PTPRR: variants seen among roughly 807,000 people sequenced by gnomAD.
PTPRR encodes the protein protein tyrosine phosphatase receptor type R, also known as receptor-type tyrosine-protein phosphatase R.
Under a neutral mutation model 77.2 loss-of-function variants are expected in PTPRR, and 38 were observed. That is an observed-to-expected ratio of 0.49 (90% CI 0.38 to 0.65). The LOEUF (loss-of-function observed/expected upper bound fraction) is 0.65, where lower values mean the gene tolerates loss of function less well. PTPRR is among the 30% of genes least tolerant of loss of function. The pLI, the probability that PTPRR is intolerant of heterozygous loss-of-function variation, is 0.00. For missense variants in PTPRR, 744 were observed against 799.2 expected, an observed-to-expected ratio of 0.93 and a Z score of 0.83; for synonymous variants, 299 against 283.1, an observed-to-expected ratio of 1.06 and a Z score of -0.57.
At chr12:70,857,764 C>G (rs1053413594) in intron 2 of PTPRR, among the ~76,000 whole-genome samples, 2 of 151,896 alleles carry the variant, frequency 1.3e-5, no homozygotes, top group Non-Finnish European at 2.9e-5. Flanking sequence ...CAAAGTTTAC[C>G]CTAGGGAGAC....
intron 2 of PTPRR, among the ~76,000 whole-genome samples, chr12:70,843,941 G>T (rs986896108): frequency 6.7e-6 from 1 of 150,132 alleles, no homozygotes; most frequent in South Asian, 2.1e-4. Context: ...TCAGCCTCCC[G>T]AGTAGCTGGG....
chr12:70,738,725 C>A (rs1889953888), intron 6 of PTPRR, among the ~76,000 whole-genome samples: 1 of 152,154 alleles, frequency 6.6e-6, no homozygotes, highest in South Asian at 2.1e-4. Flanking sequence ...TTAGAGTGAT[C>A]AGTGGAGCAT....
chr12:70,903,305 CTTAAT>C (rs1311420973), intron 1 of PTPRR, among the ~76,000 whole-genome samples: 8 of 151,826 alleles, frequency 5.3e-5, no homozygotes, highest in South Asian at 2.1e-4. Context: ...TGTTAATTGT[CTTAAT>C]TTAATCATTT....
At chr12:70,729,654 G>A (rs188659771) in intron 6 of PTPRR, among the ~76,000 whole-genome samples, 28 of 152,276 alleles carry the variant, frequency 1.8e-4, no homozygotes, top group African/African-American at 6.0e-4. Flanking sequence ...CCAACAGTGA[G>A]TGGGAATGAA....
chr12:70,897,939 G>C (rs538789883), intron 1 of PTPRR, among the ~76,000 whole-genome samples: 35 of 143,658 alleles, frequency 2.4e-4, no homozygotes, highest in African/African-American at 8.8e-4. Context: ...ACTCATAGGT[G>C]GGAATTGAAC....
intron 1 of PTPRR, among the ~76,000 whole-genome samples, chr12:70,896,310 G>A (rs1893427260): frequency 6.6e-6 from 1 of 151,622 alleles, no homozygotes; most frequent in South Asian, 2.1e-4. Flanking sequence ...CCTCTCAATA[G>A]TAAGTAGATT....
intron 1 of PTPRR, among the ~76,000 whole-genome samples, chr12:70,914,214 C>T (rs1285512432): frequency 6.6e-6 from 1 of 152,130 alleles, no homozygotes; most frequent in African/African-American, 2.4e-5. Flanking sequence ...GAAATTTTGT[C>T]TTAGTGTGAT....
At chr12:70,776,554 C>T (rs1199441101) in intron 2 of PTPRR, among the ~76,000 whole-genome samples, 1 of 152,154 alleles carries the variant, frequency 6.6e-6, no homozygotes, top group Non-Finnish European at 1.5e-5. Context: ...TCCTTCCAGT[C>T]TTAACCTCTT....
At chr12:70,660,906 A>G in intron 12 of PTPRR, 34 bp downstream of exon 12, 2 of 1,574,626 alleles carry the variant, frequency 1.3e-6, no homozygotes, top group Non-Finnish European at 1.7e-6. Flanking sequence ...AGAATGGGCC[A>G]TTGCTTAGAC....
intron 2 of PTPRR, among the ~76,000 whole-genome samples, chr12:70,882,009 G>A (rs186344006): frequency 2.0e-5 from 3 of 152,104 alleles, no homozygotes; most frequent in Non-Finnish European, 2.9e-5. Flanking sequence ...CAGCCTTTGC[G>A]TTACGCTGTT....
chr12:70,740,128 T>C (rs1889998896), intron 6 of PTPRR, among the ~76,000 whole-genome samples: 2 of 152,060 alleles, frequency 1.3e-5, no homozygotes, highest in African/African-American at 4.8e-5. Flanking sequence ...GAAAGAGAAT[T>C]AGATGCAGAC....
rs377197427 is a variant in PTPRR at position 70,803,483 on chromosome 12, T to C, written c.358-38705A>G. Among the ~76,000 whole-genome samples the C allele has an allele frequency of 6.2e-4, 95 of 152,212 alleles. 1 individual carries two copies. Among genetic ancestry groups the C allele is most frequent in the African/African-American group, 2.2e-3 (93 of 41,546 alleles). ...TTCAAGTAGACAAGAGGCCAACAAG[T>C]ACTTCACAAACATGTAACAACTTGA... On this transcript the variant is annotated intron_variant, in intron 2 of 13. Coordinates refer to ENST00000283228, the MANE Select transcript of PTPRR (RefSeq NM_002849.4).
rs916216746 is a variant in PTPRR at position 70,638,807 on chromosome 12, A to T, written c.*377T>A. On this transcript the variant is annotated 3_prime_UTR_variant, in exon 14 of 14. Transcript: ENST00000283228. Reference sequence around the variant, plus strand: ...TTGCAAACATTAAAGCATCTAACACATAATACGAATGTCTTCAGCAGCTCA... The same window carrying T: ...TTGCAAACATTAAAGCATCTAACACTTAATACGAATGTCTTCAGCAGCTCA... The T allele has an allele frequency of 1.8e-5, 3 of 167,972 alleles. No homozygotes were observed. The Admixed American group carries it at 1.9e-4, about 10-fold the overall frequency. The allele number at this position is 167,972 out of a possible 1,614,324, so 10.4% of individuals were successfully genotyped here. A position where few individuals can be genotyped will look rare whatever the true frequency, so the allele number is the denominator to read the frequency against.
intron 7 of PTPRR, among the ~76,000 whole-genome samples, chr12:70,699,500 G>A (rs1888345583): frequency 6.6e-6 from 1 of 152,160 alleles, no homozygotes; most frequent in Admixed American, 6.5e-5. Context: ...AGGTCAGTGT[G>A]CAGTGGCACA....
intron 5 of PTPRR, 141 bp downstream of exon 5, chr12:70,754,050 T>C: frequency 5.0e-6 from 4 of 805,622 alleles, no homozygotes; most frequent in Non-Finnish European, 7.6e-6. Context: ...TGATGTCAGA[T>C]ATGAAATATT....
At chr12:70,666,113 G>A (rs1886983751) in intron 10 of PTPRR, among the ~76,000 whole-genome samples, 3 of 152,310 alleles carry the variant, frequency 2.0e-5, no homozygotes, top group African/African-American at 7.2e-5. Context: ...AGTAGGTAGG[G>A]TGGGTAGCAG....
chr12:70,689,164 A>C (rs1887973331), intron 8 of PTPRR, among the ~76,000 whole-genome samples: 1 of 152,120 alleles, frequency 6.6e-6, no homozygotes, highest in Non-Finnish European at 1.5e-5. Flanking sequence ...AAATAGCTGA[A>C]ATAATGGGAT....
At chr12:70,867,677 A>T (rs1175626719) in intron 2 of PTPRR, among the ~76,000 whole-genome samples, 1 of 151,514 alleles carries the variant, frequency 6.6e-6, no homozygotes, top group African/African-American at 2.4e-5. Flanking sequence ...ACAGAATTGG[A>T]AAAAACTACT....
chr12:70,819,350 T>C (rs545729165), intron 2 of PTPRR, among the ~76,000 whole-genome samples: 1 of 152,260 alleles, frequency 6.6e-6, no homozygotes, highest in African/African-American at 2.4e-5. Context: ...AAAATAGACA[T>C]TGGCTCATAG....
Sources: allele counts gnomAD v4.1 joint callset (sites outside exome capture counted in the v4.1 genomes callset), GRCh38; gene constraint gnomAD v4.1.1; transcripts MANE v1.5; gene names NCBI Gene and HGNC (gene_info 2026-07-23, HGNC 2026-07-21).